The following ATXN7L1 variants were observed in gnomAD, a reference collection of about 807,000 sequenced individuals.
ATXN7L1 encodes ataxin-7-like protein 1.
In ATXN7L1, 15 loss-of-function variants were observed where a neutral mutation model predicts 70.8. The observed-to-expected ratio is 0.21, with a 90% CI of 0.14 to 0.33. ATXN7L1 has a LOEUF of 0.33. Among genes scored for constraint, ATXN7L1 ranks in the 10% least tolerant of loss-of-function variants. ATXN7L1 has a pLI of 1.00. For synonymous variants in ATXN7L1, 440 were observed against 445.1 expected (o/e 0.99, Z 0.14); for missense variants, 975 against 1,097.1 (o/e 0.89, Z 1.57).
chr7:105,653,332 C>T (rs922668280), intron 4 of ATXN7L1, among the ~76,000 whole-genome samples: 1 of 152,056 alleles, frequency 6.6e-6, no homozygotes, highest in Non-Finnish European at 1.5e-5. Context: ...CCGGTAATCC[C>T]AGCTACTTGG....
At chr7:105,684,469 A>G (rs1309724951) in intron 3 of ATXN7L1, among the ~76,000 whole-genome samples, 2 of 152,176 alleles carry the variant, frequency 1.3e-5, no homozygotes, top group Non-Finnish European at 2.9e-5. Context: ...TCTGGACATT[A>G]TTCTCCTATT....
chr7:105,709,837 C>T (rs1373044919), intron 3 of ATXN7L1, among the ~76,000 whole-genome samples: 1 of 151,552 alleles, frequency 6.6e-6, no homozygotes, highest in Non-Finnish European at 1.5e-5. Context: ...TCCTGATCTT[C>T]TGGTTTCCCC....
chr7:105,862,252 T>G (rs1377644335), intron 2 of ATXN7L1, among the ~76,000 whole-genome samples: 2 of 151,898 alleles, frequency 1.3e-5, no homozygotes, highest in African/African-American at 4.8e-5. Context: ...CTAGGCAACA[T>G]AGGGAGACCC....
intron 3 of ATXN7L1, among the ~76,000 whole-genome samples, chr7:105,729,527 T>C (rs1796293203): frequency 6.6e-6 from 1 of 151,040 alleles, no homozygotes; most frequent in African/African-American, 2.4e-5. Context: ...CCTCCTGGGT[T>C]CAAGCGATTC....
chr7:105,736,166 G>A (rs1446678896), intron 3 of ATXN7L1, among the ~76,000 whole-genome samples: 1 of 152,192 alleles, frequency 6.6e-6, no homozygotes, highest in East Asian at 1.9e-4. Flanking sequence ...GAGTGATGAG[G>A]CTTCAGTCAC....
At chr7:105,682,276 C>T (rs1040456959) in intron 3 of ATXN7L1, among the ~76,000 whole-genome samples, 3 of 152,074 alleles carry the variant, frequency 2.0e-5, no homozygotes, top group African/African-American at 4.8e-5. Flanking sequence ...GTGATGGTTG[C>T]ATAACAATGT....
In ATXN7L1 at chr7:105,617,382, T is replaced by G. The variant is rs114246789; in HGVS notation, c.1518-2566A>C. Among the ~76,000 whole-genome samples the G allele has an allele frequency of 9.9e-3, 1,503 of 152,352 alleles. 28 individuals carry two copies. The highest frequency in any genetic ancestry group is 0.034 in the African/African-American group (1,418 of 41,580). On this transcript the variant is annotated intron_variant, in intron 9 of 11. Transcript: ENST00000419735. Reference sequence around the variant, plus strand: ...AATTTTCCAATTAAATAGTATAAATTCACACTTCAACTTGTGCTGACTAGC... The same window carrying G: ...AATTTTCCAATTAAATAGTATAAATGCACACTTCAACTTGTGCTGACTAGC...
intron 4 of ATXN7L1, chr7:105,649,555 T>C: frequency 1.0e-6 from 1 of 987,834 alleles, no homozygotes; most frequent in Non-Finnish European, 1.2e-6. Flanking sequence ...CCCTGCCCAG[T>C]GATGTCTGCA....
At chr7:105,637,125 G>T (rs1369448769) in intron 7 of ATXN7L1, among the ~76,000 whole-genome samples, 2 of 152,172 alleles carry the variant, frequency 1.3e-5, no homozygotes, top group African/African-American at 4.8e-5. Flanking sequence ...GAGCATGATG[G>T]AAGTGTTGGG....
Position 105,605,116 on chromosome 7 carries a change from G to A in ATXN7L1, c.*2736C>T, listed in dbSNP as rs1380875620. Reference sequence around the variant, plus strand: ...GTTATGCTTCACAACCAGAGCTTTCGAGCCTCTATGGCTGGCGACAAGTCA... The same window carrying A: ...GTTATGCTTCACAACCAGAGCTTTCAAGCCTCTATGGCTGGCGACAAGTCA... On this transcript the variant is annotated 3_prime_UTR_variant, in exon 12 of 12. Coordinates refer to ENST00000419735, the MANE Select transcript of ATXN7L1 (RefSeq NM_020725.2). 1 of 130,796 alleles carries A rather than the reference G, an allele frequency of 7.6e-6. No homozygotes were observed. Among genetic ancestry groups the A allele is most frequent in the Non-Finnish European group, 1.5e-5 (1 of 64,974 alleles). 8.1% of individuals were successfully genotyped at this position (130,796 alleles called of 1,614,324 possible).
At chr7:105,792,840 A>C (rs554937153) in intron 2 of ATXN7L1, among the ~76,000 whole-genome samples, 1 of 152,342 alleles carries the variant, frequency 6.6e-6, no homozygotes, top group East Asian at 1.9e-4. Context: ...CAAAAAAGTG[A>C]AGAGTGAAAC....
At chr7:105,856,357 G>A (rs1051061794) in intron 2 of ATXN7L1, among the ~76,000 whole-genome samples, 5 of 151,994 alleles carry the variant, frequency 3.3e-5, no homozygotes, top group Non-Finnish European at 1.5e-5. Context: ...AGGCTGAGGC[G>A]GGTCGATCAC....
chr7:105,614,665 T>A lies in ATXN7L1; in HGVS notation c.1669A>T (p.Ile557Leu), dbSNP rs561281717. 4.5e-6 allele frequency: 7 copies of A among 1,551,516 alleles called. No homozygotes were observed. The highest frequency in any genetic ancestry group is 6.1e-6 in the Non-Finnish European group (7 of 1,147,004). Reference sequence around the variant, plus strand: ...TTTGAGAGCATGGCTGATGTCATTATGTAAGAAGAGGTGAGCCTCGAGCTG... The same window carrying A: ...TTTGAGAGCATGGCTGATGTCATTAAGTAAGAAGAGGTGAGCCTCGAGCTG... The part of the protein sequence containing the change: ...PISSRLTSSY[I>L]MTSAMLSNAA... The change falls in exon 10 of 12, where the codon ATA (isoleucine) becomes TTA (leucine). Residue 557 changes from isoleucine (I) to leucine (L), a missense_variant. Physicochemically the swap from Ile to Leu is conservative, Grantham distance 5. This residue lies in a region of ATXN7L1 where 635 missense variants were observed against 699.4 expected (regional missense o/e 0.91). Transcript: ENST00000419735. This position sits in a 1 kb window ranked among gnomAD's most constrained non-coding sequence, Gnocchi z 4.3.
At chr7:105,731,756 A>AAGAAAAGAAAAGAAAAG (rs879369717) in intron 3 of ATXN7L1, among the ~76,000 whole-genome samples, 2,765 of 142,542 alleles carry the variant, frequency 0.019, 74 homozygotes, top group Admixed American at 0.032. Flanking sequence ...TTAAAAAGAA[A>AAGAAAAGAAAAGAAAAG]AGAAAAGAAA....
In ATXN7L1 at chr7:105,610,558, T is replaced by C; in HGVS notation, c.2518A>G (p.Ser840Gly). The change falls in exon 11 of 12, where the codon AGT (serine) becomes GGT (glycine). Residue 840 changes from serine to glycine, a missense_variant. Coordinates refer to ENST00000419735, the MANE Select transcript of ATXN7L1 (RefSeq NM_020725.2). ...SLALSQSSPS[S>G]ISSPGHSRQN... ...CGGCTGTGTCCTGGGCTGGATATAC[T>C]TGAAGGACTGGATTGTGACAAAGCT... is the stretch of plus-strand genomic sequence containing the variant. 1.3e-6 allele frequency: 2 copies of C among 1,551,424 alleles called. No individual in the cohort carries two copies. The highest frequency in any genetic ancestry group is 1.2e-5 in the South Asian group (1 of 84,052).
At position 105,876,387 on chromosome 7, in the gene ATXN7L1, A is replaced by C; in HGVS notation, c.172T>G (p.Cys58Gly). ...GTGGTGGGGTTCTTACTGTCGGAGC[A>C]GTGTAATTTGGCGGCGTCGATCCAG... Reference protein sequence around the residue: ...SSWIDAAKLHCSDNVDLEEAG... With the variant: ...SSWIDAAKLHGSDNVDLEEAG... The change falls in exon 1 of 12, where the codon TGC (cysteine) becomes GGC (glycine). Residue 58 changes from cysteine to glycine, a missense_variant. Physicochemically the swap from Cys to Gly is radical, Grantham distance 159. Coordinates refer to ENST00000419735, the MANE Select transcript of ATXN7L1 (RefSeq NM_020725.2). The C allele has an allele frequency of 1.9e-6, 3 of 1,607,382 alleles. No homozygotes were observed. The African/African-American group carries it at 4.0e-5, about 21-fold the overall frequency.
intron 2 of ATXN7L1, among the ~76,000 whole-genome samples, chr7:105,818,754 A>G (rs2116558423): frequency 6.6e-6 from 1 of 152,342 alleles, no homozygotes; most frequent in South Asian, 2.1e-4. Flanking sequence ...ATAAAAATGC[A>G]TAATGTACCC....
chr7:105,636,598 A>G (rs902654292), intron 7 of ATXN7L1, among the ~76,000 whole-genome samples: 1 of 152,146 alleles, frequency 6.6e-6, no homozygotes, highest in Non-Finnish European at 1.5e-5. Context: ...GAACAGTCGG[A>G]GCAGATCCTT....
chr7:105,764,596 A>G (rs1801001121), intron 3 of ATXN7L1, among the ~76,000 whole-genome samples: 1 of 152,198 alleles, frequency 6.6e-6, no homozygotes, highest in Non-Finnish European at 1.5e-5. Flanking sequence ...CTGAATACCC[A>G]CTATTTGTCA....
Sources: gnomAD v4.1 joint callset for allele counts (sites outside exome capture counted in the v4.1 genomes callset) on GRCh38, gnomAD v4.1.1 for gene constraint, gnomAD v4.1.1 regional missense constraint, Gnocchi (gnomAD v3.1) non-coding constraint, MANE v1.5 for transcripts, NCBI Gene and HGNC (gene_info 2026-07-23, HGNC 2026-07-21) for gene names.